HOXB3: variants seen among roughly 807,000 people sequenced by gnomAD.
The protein encoded by HOXB3 is homeobox protein Hox-B3.
Under a neutral mutation model 29.2 loss-of-function variants are expected in HOXB3, and 17 were observed. The ratio of observed to expected loss-of-function variants is 0.58; its 90% CI spans 0.40 to 0.87. The LOEUF (loss-of-function observed/expected upper bound fraction) is 0.87, where lower values mean the gene tolerates loss of function less well. Among genes scored for constraint, HOXB3 ranks in the 40% least tolerant of loss-of-function variants. The probability of loss-of-function intolerance (pLI) is 0.00; values close to 1 mark genes in which losing one functional copy is unlikely to be tolerated. For synonymous variants in HOXB3, 317 were observed against 285.9 expected, an observed-to-expected ratio of 1.11 and a Z score of -1.10; for missense variants, 637 against 616.3, an observed-to-expected ratio of 1.03 and a Z score of -0.35.
chr17:48,579,747 A>G (rs556682799), intron 1 of HOXB3: 16 of 297,658 alleles, frequency 5.4e-5, no homozygotes, highest in Admixed American at 1.7e-4. Flanking sequence ...ATAAAGAGGA[A>G]GGAGTCTTCG....
At chr17:48,588,475 G>C (rs1442424877) in intron 1 of HOXB3, among the ~76,000 whole-genome samples, 1 of 152,202 alleles carries the variant, frequency 6.6e-6, no homozygotes, top group Non-Finnish European at 1.5e-5. Flanking sequence ...TTTCAGAAAG[G>C]GAAGTATATT....
intron 2 of HOXB3, among the ~76,000 whole-genome samples, chr17:48,561,858 G>A (rs2069208210): frequency 6.6e-6 from 1 of 152,246 alleles, no homozygotes; most frequent in African/African-American, 2.4e-5. Flanking sequence ...TGTATGGAGG[G>A]AAGGGGTTTA....
chr17:48,568,332 A>T (rs2144839849), intron 2 of HOXB3, among the ~76,000 whole-genome samples: 1 of 152,338 alleles, frequency 6.6e-6, no homozygotes, highest in East Asian at 1.9e-4. Context: ...TTTATATGCC[A>T]ATGAGGCATT....
intron 1 of HOXB3, chr17:48,576,893 G>A (rs1394962550): frequency 9.3e-6 from 15 of 1,614,240 alleles, no homozygotes; most frequent in Non-Finnish European, 1.3e-5. Flanking sequence ...GCGCGTGGGC[G>A]ATCTCCACCC....
intron 2 of HOXB3, among the ~76,000 whole-genome samples, chr17:48,567,892 AG>A (rs1227758234): frequency 6.6e-6 from 1 of 152,100 alleles, no homozygotes; most frequent in Admixed American, 6.5e-5. Context: ...GAGGGTGGGG[AG>A]CCAAAGCTTT....
At position 48,551,001 on chromosome 17, in the gene HOXB3, T is replaced by C; in HGVS notation, c.629A>G (p.Asn210Ser). Reference sequence around the variant, plus strand: ...ACGGCGAGGCCGGCACAGGTAGCGGTTAAAATGGAACTCCTTCTCCAGCTC... The same window carrying C: ...ACGGCGAGGCCGGCACAGGTAGCGGCTAAAATGGAACTCCTTCTCCAGCTC... Reference protein sequence around the residue: ...LVELEKEFHFNRYLCRPRRVE... With the variant: ...LVELEKEFHFSRYLCRPRRVE... The change falls in exon 5 of 5, where the codon AAC becomes AGC. Residue 210 changes from asparagine (N) to serine (S), a missense_variant. Asn to Ser is a conservative substitution (Grantham distance 46). Coordinates refer to ENST00000498678, the MANE Select transcript of HOXB3 (RefSeq NM_001384749.1). The C allele has an allele frequency of 1.9e-6, 3 of 1,613,050 alleles. No individual in the cohort carries two copies. The highest frequency in any genetic ancestry group is 2.5e-6 in the Non-Finnish European group (3 of 1,179,420).
chr17:48,563,533 C>T (rs1203235979), intron 2 of HOXB3, among the ~76,000 whole-genome samples: 1 of 152,206 alleles, frequency 6.6e-6, no homozygotes, highest in Non-Finnish European at 1.5e-5. Context: ...CCACACTGTG[C>T]GCCTGCAAAG....
At chr17:48,570,177 C>T (rs1249342974) in intron 2 of HOXB3, among the ~76,000 whole-genome samples, 4 of 152,152 alleles carry the variant, frequency 2.6e-5, no homozygotes, top group African/African-American at 7.2e-5. Context: ...GGAGGCTGAT[C>T]AGTGGGAAAA....
At chr17:48,586,785 A>G (rs2070055465) in intron 1 of HOXB3, among the ~76,000 whole-genome samples, 1 of 152,238 alleles carries the variant, frequency 6.6e-6, no homozygotes, top group East Asian at 1.9e-4. Flanking sequence ...CCATAAGACC[A>G]TCACTACCAA....
intron 3 of HOXB3, 177 bp from the exon 4 acceptor site, chr17:48,552,809 AAAAT>A (rs1192985624): frequency 1.5e-4 from 44 of 291,956 alleles, no homozygotes; most frequent in African/African-American, 8.2e-4. Flanking sequence ...AAAAAATAAA[AAAAT>A]AAATAAAGAC....
At chr17:48,556,890 A>G (rs2069015846) in intron 2 of HOXB3, 1 of 152,058 alleles carries the variant, frequency 6.6e-6, no homozygotes, top group South Asian at 2.1e-4. Context: ...GAAGATGGTT[A>G]TTATTATTAT....
chr17:48,560,628 T>C (rs916724025), intron 2 of HOXB3, among the ~76,000 whole-genome samples: 1 of 152,164 alleles, frequency 6.6e-6, no homozygotes, highest in East Asian at 1.9e-4. Context: ...CTGCAAGAAA[T>C]TTCCTTGCTC....
chr17:48,566,295 A>G (rs118109931), intron 2 of HOXB3, among the ~76,000 whole-genome samples: 1,998 of 152,238 alleles, frequency 0.013, 24 homozygotes, highest in Non-Finnish European at 0.02. Flanking sequence ...TAGGCATCAC[A>G]TGGGGGATTT....
chr17:48,589,641 G>A (rs911951194), intron 1 of HOXB3, among the ~76,000 whole-genome samples: 12 of 152,290 alleles, frequency 7.9e-5, no homozygotes, highest in East Asian at 1.9e-4. Flanking sequence ...CACAGCAGCC[G>A]CCTACCCGGT....
At chr17:48,572,655 C>T (rs1241289892) in intron 2 of HOXB3, among the ~76,000 whole-genome samples, 1 of 152,118 alleles carries the variant, frequency 6.6e-6, no homozygotes, top group Non-Finnish European at 1.5e-5. Context: ...AGATTAGCAC[C>T]CTACTTTCGT....
intron 1 of HOXB3, 32 bp from the exon 2 acceptor site, chr17:48,574,046 G>T (rs775602176): frequency 3.4e-6 from 2 of 591,638 alleles, no homozygotes; most frequent in South Asian, 2.1e-5. Context: ...GAGAGGATAC[G>T]TATTTAAAGA....
At chr17:48,563,991 C>G (rs1220584518) in intron 2 of HOXB3, among the ~76,000 whole-genome samples, 1 of 152,180 alleles carries the variant, frequency 6.6e-6, no homozygotes, top group Non-Finnish European at 1.5e-5. Context: ...CATGTCCACA[C>G]GCCCACCCAA....
intron 1 of HOXB3, chr17:48,582,066 C>G (rs186991214): frequency 6.6e-6 from 1 of 152,518 alleles, no homozygotes; most frequent in East Asian, 1.9e-4. Flanking sequence ...CTTCTCCTGG[C>G]AGCCACAGGT....
intron 2 of HOXB3, among the ~76,000 whole-genome samples, chr17:48,571,635 G>C (rs140894509): frequency 1.3e-5 from 2 of 152,138 alleles, no homozygotes; most frequent in African/African-American, 4.8e-5. Context: ...TAAAGTCCTC[G>C]GCGACTAGGT....
Sources: gnomAD v4.1 joint callset for allele counts (sites outside exome capture counted in the v4.1 genomes callset) on GRCh38, gnomAD v4.1.1 for gene constraint, MANE v1.5 for transcripts, NCBI Gene and HGNC (gene_info 2026-07-23, HGNC 2026-07-21) for gene names.